Variants in GRM7 observed in about 807,000 individuals in gnomAD.
GRM7 encodes glutamate metabotropic receptor 7.
Under a neutral mutation model 84.5 loss-of-function variants are expected in GRM7, and 35 were observed. That is an observed-to-expected ratio of 0.41 (90% CI 0.32 to 0.55). The LOEUF is 0.55. Ranked by LOEUF, GRM7 falls within the 20% of genes least tolerant of loss-of-function variation. GRM7 has a pLI of 0.19. For missense variants in GRM7, 1,003 were observed against 1,194.6 expected, an observed-to-expected ratio of 0.84 and a Z score of 2.36; for synonymous variants, 487 against 455.1, an observed-to-expected ratio of 1.07 and a Z score of -0.89.
intron 1 of GRM7, among the ~76,000 whole-genome samples, chr3:7,006,835 C>T (rs1695196175): frequency 6.6e-6 from 1 of 152,132 alleles, no homozygotes; most frequent in African/African-American, 2.4e-5. Flanking sequence ...TGCTGAGCAC[C>T]TACTATGTGT....
At chr3:7,142,666 C>G (rs1454744699) in intron 1 of GRM7, among the ~76,000 whole-genome samples, 1 of 152,120 alleles carries the variant, frequency 6.6e-6, no homozygotes, top group African/African-American at 2.4e-5. Context: ...ATATCAGTAT[C>G]TGTGCATAAC....
chr3:7,085,163 C>T lies in GRM7; in HGVS notation c.520-61289C>T, dbSNP rs371238174. 4.6e-5 allele frequency among the ~76,000 whole-genome samples: 7 copies of T among 152,144 alleles called. No individual in the cohort carries two copies. In the East Asian group the frequency reaches 1.4e-3, roughly 29 times the overall value. On this transcript the variant is annotated intron_variant, in intron 1 of 9. Coordinates refer to ENST00000357716, the MANE Select transcript of GRM7 (RefSeq NM_000844.4). ...CTGTGAAATCTGTTTCACATTAGAC[C>T]TTTTTGGAATTGGCTCAGCCTAATT...
At chr3:7,062,101 G>T (rs1048562628) in intron 1 of GRM7, among the ~76,000 whole-genome samples, 2 of 151,542 alleles carry the variant, frequency 1.3e-5, no homozygotes, top group Non-Finnish European at 3.0e-5. Context: ...AGCCCACTCC[G>T]CTAGAAACTG....
intron 8 of GRM7, among the ~76,000 whole-genome samples, chr3:7,640,135 C>T (rs1310720115): frequency 1.3e-5 from 2 of 152,164 alleles, no homozygotes; most frequent in African/African-American, 4.8e-5. Flanking sequence ...CTATCCGCCA[C>T]AATGCCCTAC....
chr3:7,735,205 TTTGAATGG>T (rs2106529868), intron 9 of GRM7, among the ~76,000 whole-genome samples: 1 of 152,312 alleles, frequency 6.6e-6, no homozygotes, highest in South Asian at 2.1e-4. Flanking sequence ...CAGACAGTGC[TTTGAATGG>T]TTTCATACAA....
chr3:7,444,105 C>G (rs761308604), intron 5 of GRM7, among the ~76,000 whole-genome samples: 1 of 152,102 alleles, frequency 6.6e-6, no homozygotes, highest in South Asian at 2.1e-4. Context: ...TGCACAGATT[C>G]GTTTTTCATC....
intron 2 of GRM7, among the ~76,000 whole-genome samples, chr3:7,171,945 G>C (rs1203303684): frequency 6.6e-6 from 1 of 152,212 alleles, no homozygotes; most frequent in African/African-American, 2.4e-5. Context: ...ACAGCATGCA[G>C]TTTCCCAGTG....
chr3:7,255,915 A>C (rs915230932), intron 2 of GRM7, among the ~76,000 whole-genome samples: 7 of 152,178 alleles, frequency 4.6e-5, no homozygotes, highest in South Asian at 2.1e-4. Context: ...AGCTTACACA[A>C]CTATTCATCA....
chr3:7,393,435 T>C (rs976649760), intron 4 of GRM7, among the ~76,000 whole-genome samples: 2 of 152,162 alleles, frequency 1.3e-5, no homozygotes, highest in Admixed American at 1.3e-4. Context: ...TCTGGATGTT[T>C]CTCTCTCACT....
chr3:6,890,779 G>T (rs147898203), intron 1 of GRM7, among the ~76,000 whole-genome samples: 1 of 151,460 alleles, frequency 6.6e-6, no homozygotes, highest in African/African-American at 2.4e-5. Context: ...TCAATTCCTG[G>T]GTATCCTTGT....
chr3:6,995,478 C>A (rs1031075701), intron 1 of GRM7, among the ~76,000 whole-genome samples: 1 of 152,182 alleles, frequency 6.6e-6, no homozygotes, highest in African/African-American at 2.4e-5. Flanking sequence ...GCAGTATAAC[C>A]TAGACTATAC....
intron 7 of GRM7, among the ~76,000 whole-genome samples, chr3:7,572,053 C>T (rs561159594): frequency 8.5e-5 from 13 of 152,294 alleles, no homozygotes; most frequent in Non-Finnish European, 1.3e-4. Flanking sequence ...CCTCCCATCA[C>T]GTTCCTCCCA....
At chr3:7,187,176 G>T (rs990802847) in intron 2 of GRM7, among the ~76,000 whole-genome samples, 3 of 149,652 alleles carry the variant, frequency 2.0e-5, no homozygotes, top group East Asian at 1.9e-4. Context: ...TCTGAAATAT[G>T]CCCATGCTAC....
At chr3:7,093,075 A>G (rs1698725858) in intron 1 of GRM7, among the ~76,000 whole-genome samples, 1 of 152,272 alleles carries the variant, frequency 6.6e-6, no homozygotes, top group South Asian at 2.1e-4. Flanking sequence ...TTAAAACACC[A>G]ACACCAACAA....
chr3:7,254,081 T>C (rs1698110641), intron 2 of GRM7, among the ~76,000 whole-genome samples: 1 of 152,106 alleles, frequency 6.6e-6, no homozygotes, highest in Admixed American at 6.5e-5. Context: ...TACATCAGGA[T>C]TACCATGTCA....
intron 1 of GRM7, among the ~76,000 whole-genome samples, chr3:6,966,623 G>T (rs114141394): frequency 0.014 from 2,142 of 152,258 alleles, 49 homozygotes; most frequent in African/African-American, 0.049. Context: ...AGATGGAAAG[G>T]CCTATGTTTA....
intron 1 of GRM7, among the ~76,000 whole-genome samples, chr3:7,093,972 T>C (rs905916252): frequency 2.0e-5 from 3 of 152,122 alleles, no homozygotes; most frequent in Non-Finnish European, 4.4e-5. Flanking sequence ...ATAAACTAAT[T>C]AGACAGTTTA....
At chr3:7,274,777 T>A (rs1259617574) in intron 2 of GRM7, among the ~76,000 whole-genome samples, 1 of 152,100 alleles carries the variant, frequency 6.6e-6, no homozygotes, top group African/African-American at 2.4e-5. Flanking sequence ...TTTTGTATTG[T>A]CATTTTTTCT....
At position 6,907,341 on chromosome 3, in the gene GRM7, C is replaced by T. The variant is rs547405324; in HGVS notation, c.519+45434C>T. On this transcript the variant is annotated intron_variant, in intron 1 of 9. Transcript: ENST00000357716. ...GTTAGGATTTCAACTGTAAAAAGTA[C>T]ATGAGATGAAAATGGTTTGAAAAAG... Among the ~76,000 whole-genome samples the T allele has an allele frequency of 1.1e-4, 17 of 152,296 alleles. No homozygotes were observed. The East Asian group carries it at 3.1e-3, about 28-fold the overall frequency.
Sources: gnomAD v4.1 joint callset for allele counts (sites outside exome capture counted in the v4.1 genomes callset) on GRCh38, gnomAD v4.1.1 for gene constraint, MANE v1.5 for transcripts, NCBI Gene and HGNC (gene_info 2026-07-23, HGNC 2026-07-21) for gene names.